SGO2: variants seen among roughly 807,000 people sequenced by gnomAD.
The protein encoded by SGO2 is shugoshin-like 2.
SGO2 carries 68 observed loss-of-function variants against 99.5 expected under a neutral mutation model. The ratio of observed to expected loss-of-function variants is 0.68; its 90% CI spans 0.56 to 0.84. SGO2 has a LOEUF of 0.84. Ranked by LOEUF, SGO2 falls within the 40% of genes least tolerant of loss-of-function variation. SGO2 has a pLI of 0.00. For missense variants in SGO2, 1,350 were observed against 1,436.7 expected (o/e 0.94, Z 0.97); for synonymous variants, 457 against 487.1 (o/e 0.94, Z 0.81).
In SGO2 at chr2:200,571,507, T is replaced by TA. The variant is rs763763534; in HGVS notation, c.1168dup (p.Thr390AsnfsTer3). 102 of 1,608,864 alleles carry TA rather than the reference T, an allele frequency of 6.3e-5. No homozygotes were observed. Among genetic ancestry groups the TA allele is most frequent in the Non-Finnish European group, 8.3e-5 (98 of 1,178,614 alleles). The stretch of plus-strand genomic sequence containing the variant: ...CAACAGGCATTAAAAAGAAAAGTAA[T>TA]AAAAAAACAAATGAACATGGAATGA... On this transcript the variant is annotated frameshift_variant, in exon 7 of 9. Transcript: ENST00000357799. LOFTEE classifies it high-confidence loss of function.
At chr2:200,534,729 T>C (rs1164767130) in intron 2 of SGO2, among the ~76,000 whole-genome samples, 1 of 152,196 alleles carries the variant, frequency 6.6e-6, no homozygotes, top group Non-Finnish European at 1.5e-5. Context: ...TAGAATGCTA[T>C]GTCTGTGCTG....
rs563217853 is a variant in SGO2, at chr2:200,564,315, T to C, written c.474-5348T>C. On this transcript the variant is annotated intron_variant, in intron 5 of 8. Transcript: ENST00000357799. ...CTTTATTTCTGCCTTCATTTCGTTA[T>C]GTACCCAGTAGTCATTCAGGAACAG... Among the ~76,000 whole-genome samples, 3 of 152,368 alleles carry C rather than the reference T, an allele frequency of 2.0e-5. No homozygotes were observed. The East Asian group carries it at 5.8e-4, about 29-fold the overall frequency.
intron 5 of SGO2, among the ~76,000 whole-genome samples, chr2:200,562,666 A>G (rs2033020211): frequency 6.6e-6 from 1 of 152,140 alleles, no homozygotes; most frequent in African/African-American, 2.4e-5. Flanking sequence ...CATTTTCACA[A>G]TATTGATTCT....
In SGO2 at chr2:200,572,285, T is replaced by G. The variant is rs2033458480; in HGVS notation, c.1939T>G (p.Phe647Val). The G allele has an allele frequency of 6.2e-7, 1 of 1,610,536 alleles. No individual in the cohort carries two copies. The highest frequency in any genetic ancestry group is 8.5e-7 in the Non-Finnish European group (1 of 1,179,020). ...GCATGGCCTAAAAAAAGGTAATTTT[T>G]TTTTCAAAACCCAAGAGGATAAAGA... ...VVHGLKKGNF[F>V]FKTQEDKEPI... Residue 647 changes from phenylalanine (F) to valine (V), a missense_variant, in exon 7 of 9, where the codon TTT becomes GTT. Physicochemically the swap from Phe to Val is conservative, Grantham distance 50. Coordinates refer to ENST00000357799, the MANE Select transcript of SGO2 (RefSeq NM_152524.6).
At chr2:200,559,975 T>C (rs2032876643) in intron 5 of SGO2, among the ~76,000 whole-genome samples, 1 of 152,196 alleles carries the variant, frequency 6.6e-6, no homozygotes, top group Non-Finnish European at 1.5e-5. Context: ...AATTTGGTAA[T>C]TATTTGGGGT....
chr2:200,536,066 AT>A lies in SGO2; in HGVS notation c.312del (p.Asn104LysfsTer5). 1 of 1,558,706 alleles carries A rather than the reference AT, an allele frequency of 6.4e-7. No homozygotes were observed. The highest frequency in any genetic ancestry group is 1.2e-5 in the South Asian group (1 of 83,298). ...GGGGTCTTTATTTTACATGTGCAGA[AT>A]AAGAAGCTTATAGACATAGAAGCTC... is the stretch of plus-strand genomic sequence containing the variant. The part of the protein sequence containing the change: ...TFLRLKLNNL[N>X]KKLIDIEALM... On this transcript the variant is annotated frameshift_variant and splice_region_variant, in exon 4 of 9. Transcript: ENST00000357799. LOFTEE classifies it high-confidence loss of function.
intron 5 of SGO2, among the ~76,000 whole-genome samples, chr2:200,566,488 G>T (rs940003023): frequency 2.0e-5 from 3 of 152,216 alleles, no homozygotes; most frequent in Non-Finnish European, 4.4e-5. Context: ...CCTACTGGGA[G>T]GTGTCTCCCA....
rs776123829 is a variant in SGO2 at position 200,573,019 on chromosome 2, T to C, written c.2673T>C (p.Thr891=). The C allele has an allele frequency of 6.4e-7, 1 of 1,571,180 alleles. No homozygotes were observed. The highest frequency in any genetic ancestry group is 8.6e-7 in the Non-Finnish European group (1 of 1,165,582). ...QNILELKKYV[T]DRKSAEQNES... ...TATTGGAGTTGAAAAAGTATGTTAC[T>C]GATAGGAAATCTGCTGAGCAAAATG... is the stretch of plus-strand genomic sequence containing the variant. Residue 891 remains threonine, a synonymous_variant, in exon 7 of 9, where the codon ACT becomes ACC. Coordinates refer to ENST00000357799, the MANE Select transcript of SGO2 (RefSeq NM_152524.6).
intron 5 of SGO2, among the ~76,000 whole-genome samples, chr2:200,555,046 A>G (rs1040397983): frequency 6.6e-6 from 1 of 152,046 alleles, no homozygotes; most frequent in Non-Finnish European, 1.5e-5. Flanking sequence ...TTTTTCACAA[A>G]CCTCCACAAC....
Position 200,583,484 on chromosome 2 carries a change from G to T in SGO2, c.*20G>T, listed in dbSNP as rs769507100. ...AGATGAAGTGAATTTATGGATTCTG[G>T]TTTTTCTGAATTTTCAAAGCATAAG... On this transcript the variant is annotated 3_prime_UTR_variant, in exon 9 of 9. Coordinates refer to ENST00000357799, the MANE Select transcript of SGO2 (RefSeq NM_152524.6). 4 of 1,577,894 alleles carry T rather than the reference G, an allele frequency of 2.5e-6. No homozygotes were observed. The highest frequency in any genetic ancestry group is 4.6e-5 in the East Asian group (2 of 43,524).
chr2:200,563,740 G>A (rs1017291396), intron 5 of SGO2, among the ~76,000 whole-genome samples: 1 of 152,208 alleles, frequency 6.6e-6, no homozygotes, highest in Admixed American at 6.5e-5. Flanking sequence ...TTCAGAACCT[G>A]TTATCGGTCT....
Position 200,583,568 on chromosome 2 carries a change from TTTG to T in SGO2, c.*107_*109del. On this transcript the variant is annotated 3_prime_UTR_variant, in exon 9 of 9. Coordinates refer to ENST00000357799, the MANE Select transcript of SGO2 (RefSeq NM_152524.6). ...AAATGCTTAATGAAAAGGTTTTTTT[TTTG>T]TTTCTTTGGCCTTTCATGGAGTGTT... The T allele has an allele frequency of 9.4e-7, 1 of 1,062,458 alleles. No homozygotes were observed. The highest frequency in any genetic ancestry group is 1.3e-6 in the Non-Finnish European group (1 of 745,824). The allele number at this position is 1,062,458 out of a possible 1,614,324, so 65.8% of individuals were successfully genotyped here.
intron 5 of SGO2, among the ~76,000 whole-genome samples, chr2:200,552,757 C>T (rs555943305): frequency 1.2e-4 from 19 of 152,256 alleles, no homozygotes; most frequent in African/African-American, 4.6e-4. Context: ...TTTTGGCCAG[C>T]TTCTTTACTG....
intron 5 of SGO2, among the ~76,000 whole-genome samples, chr2:200,566,957 G>A (rs939232094): frequency 1.3e-5 from 2 of 152,184 alleles, no homozygotes; most frequent in African/African-American, 4.8e-5. Flanking sequence ...AATTTTCCAG[G>A]TGCTGTGTGT....
intron 5 of SGO2, among the ~76,000 whole-genome samples, chr2:200,555,672 C>T (rs187377713): frequency 2.4e-4 from 37 of 152,198 alleles, no homozygotes; most frequent in Non-Finnish European, 1.2e-4. Context: ...TGCAAACAGC[C>T]GAGTATCCCC....
At chr2:200,577,911 G>A (rs896749837) in intron 8 of SGO2, among the ~76,000 whole-genome samples, 7 of 152,098 alleles carry the variant, frequency 4.6e-5, no homozygotes, top group African/African-American at 1.4e-4. Context: ...TTAAGGTGGT[G>A]TCTGTTGGGT....
intron 3 of SGO2, among the ~76,000 whole-genome samples, chr2:200,535,574 T>C (rs1464835968): frequency 6.6e-6 from 1 of 152,148 alleles, no homozygotes; most frequent in East Asian, 1.9e-4. Context: ...ATGAGAATTA[T>C]AGTTGTTTCT....
chr2:200,579,529 G>C (rs1159098617), intron 8 of SGO2, among the ~76,000 whole-genome samples: 1 of 152,134 alleles, frequency 6.6e-6, no homozygotes. Context: ...AATTTACTAA[G>C]AAAATGCCCC....
rs780824932 is a variant in SGO2, at chr2:200,571,176, G to A, written c.830G>A (p.Gly277Glu). The stretch of plus-strand genomic sequence containing the variant: ...AATGTGACTGAAAGGAAGAAGCGTG[G>A]GTCATCTTGGGAATCAAATAATCTT... ...PSNVTERKKRGSSWESNNLSA... is the reference protein window; with the variant it reads ...PSNVTERKKRESSWESNNLSA... Residue 277 changes from glycine to glutamate, a missense_variant, in exon 7 of 9, where the codon GGG (glycine) becomes GAG (glutamate). Transcript: ENST00000357799. The A allele has an allele frequency of 2.5e-6, 4 of 1,613,566 alleles. No homozygotes were observed. The South Asian group carries it at 4.4e-5, about 18-fold the overall frequency.
Sources: gnomAD v4.1 joint callset for allele counts (sites outside exome capture counted in the v4.1 genomes callset) on GRCh38, gnomAD v4.1.1 for gene constraint, MANE v1.5 for transcripts, NCBI Gene and HGNC (gene_info 2026-07-23, HGNC 2026-07-21) for gene names.